ADD2: variants seen among roughly 807,000 people sequenced by gnomAD.
The protein encoded by ADD2 is beta-adducin.
In ADD2, 23 loss-of-function variants were observed where a neutral mutation model predicts 83.0. The observed-to-expected ratio is 0.28, with a 90% CI of 0.20 to 0.39. ADD2 has a LOEUF of 0.39. Ranked by LOEUF, ADD2 falls within the 10% of genes least tolerant of loss-of-function variation. The pLI, the probability that ADD2 is intolerant of heterozygous loss-of-function variation, is 1.00. For missense variants in ADD2, 758 were observed against 944.9 expected, an observed-to-expected ratio of 0.80 and a Z score of 2.59; for synonymous variants, 375 against 375.4, an observed-to-expected ratio of 1.00 and a Z score of 0.01.
At chr2:70,751,250 C>T (rs191746324) in intron 1 of ADD2, among the ~76,000 whole-genome samples, 16 of 152,248 alleles carry the variant, frequency 1.1e-4, no homozygotes, top group African/African-American at 2.4e-4. Context: ...TAACAGTTGA[C>T]GCTTGTTACT....
intron 1 of ADD2, chr2:70,767,528 G>C (rs1675462010): frequency 1.4e-5 from 8 of 569,468 alleles, no homozygotes; most frequent in Non-Finnish European, 1.9e-5. Flanking sequence ...AGGGAGGGGA[G>C]GGGAGGAGCG....
chr2:70,708,689 T>G (rs1164667799), intron 2 of ADD2, among the ~76,000 whole-genome samples: 1 of 152,204 alleles, frequency 6.6e-6, no homozygotes, highest in African/African-American at 2.4e-5. Flanking sequence ...TACATTAAGT[T>G]TGGCCTAAAG....
chr2:70,705,221 T>A (rs900742419), intron 3 of ADD2, among the ~76,000 whole-genome samples: 1 of 152,134 alleles, frequency 6.6e-6, no homozygotes, highest in African/African-American at 2.4e-5. Flanking sequence ...TTCACCCCAA[T>A]GCTTTCAGCA....
Position 70,768,174 on chromosome 2 carries a change from T to G in ADD2, c.-442A>C, listed in dbSNP as rs543187866. ...CCCTGCCGTCAGAATTAAAGCCATT[T>G]CCCGCACGAGGCTGGGAGGAAATGA... On this transcript the variant is annotated 5_prime_UTR_variant, in exon 1 of 16. Coordinates refer to ENST00000264436, the MANE Select transcript of ADD2 (RefSeq NM_001617.4). The G allele has an allele frequency of 1.1e-3, 625 of 589,952 alleles. 2 individuals carry two copies. The highest frequency in any genetic ancestry group is 2.3e-3 in the Middle Eastern group (5 of 2,198). The allele number at this position is 589,952 out of a possible 1,614,324, so 36.5% of individuals were successfully genotyped here.
At chr2:70,665,027 G>A (rs917013958) in intron 15 of ADD2, among the ~76,000 whole-genome samples, 4 of 152,124 alleles carry the variant, frequency 2.6e-5, no homozygotes, top group Non-Finnish European at 4.4e-5. Flanking sequence ...TGTGTGATGG[G>A]CACATATGAA....
Position 70,704,263 on chromosome 2 carries a change from T to TGGCCCCCCCCCCCCCCCCCCC in ADD2, c.322+57_322+58insGGGGGGGGGGGGGGGGGGGCC. 130 of 913,176 alleles carry TGGCCCCCCCCCCCCCCCCCCC rather than the reference T, an allele frequency of 1.4e-4. 1 individual carries two copies. Among genetic ancestry groups the TGGCCCCCCCCCCCCCCCCCCC allele is most frequent in the East Asian group, 2.1e-4 (7 of 34,118 alleles). The allele number at this position is 913,176 out of a possible 1,614,324, so 56.6% of individuals were successfully genotyped here. A position where few individuals can be genotyped will look rare whatever the true frequency, so the allele number is the denominator to read the frequency against. ...TGCTTCTTGCTGCTCCTCCCTCTCT[T>TGGCCCCCCCCCCCCCCCCCCC]CCCCACCCCACCCTCCCCTCCACCT... On this transcript the variant is annotated intron_variant, in intron 4 of 15. Coordinates refer to ENST00000264436, the MANE Select transcript of ADD2 (RefSeq NM_001617.4).
chr2:70,664,728 TGA>T (rs1233674277), intron 15 of ADD2, among the ~76,000 whole-genome samples: 4 of 149,846 alleles, frequency 2.7e-5, no homozygotes, highest in East Asian at 3.9e-4. Flanking sequence ...CAAGTGTGTG[TGA>T]GTGTGCAAGT....
At chr2:70,673,155 C>G in intron 14 of ADD2, 149 bp from the exon 15 acceptor site, 2 of 1,562,262 alleles carry the variant, frequency 1.3e-6, no homozygotes, top group Non-Finnish European at 1.8e-6. Flanking sequence ...AGCTCCTCCC[C>G]CTGACCTTCT....
At chr2:70,733,469 C>T (rs1312778381) in intron 1 of ADD2, among the ~76,000 whole-genome samples, 2 of 152,154 alleles carry the variant, frequency 1.3e-5, no homozygotes, top group Non-Finnish European at 2.9e-5. Flanking sequence ...CTGAAGATGC[C>T]ATCAGACAAG....
At position 70,726,720 on chromosome 2, in the gene ADD2, C is replaced by A. The variant is rs1267518141; in HGVS notation, c.-153-13536G>T. 2.6e-5 allele frequency among the ~76,000 whole-genome samples: 4 copies of A among 152,170 alleles called. No homozygotes were observed. In the East Asian group the frequency reaches 7.7e-4, roughly 29 times the overall value. On this transcript the variant is annotated intron_variant, in intron 1 of 15. Coordinates refer to ENST00000264436, the MANE Select transcript of ADD2 (RefSeq NM_001617.4). The stretch of plus-strand genomic sequence containing the variant: ...ACAAGAGTTCACCTCTAATGTAGCC[C>A]GTGCTCTTCTGAGAAGCTCATTTTG...
intron 11 of ADD2, 95 bp downstream of exon 11, chr2:70,678,609 A>C: frequency 6.8e-7 from 1 of 1,472,106 alleles, no homozygotes; most frequent in Non-Finnish European, 9.0e-7. Context: ...AACCTGGGGC[A>C]GGAGAGGTTT....
At chr2:70,759,903 T>A (rs1404492944) in intron 1 of ADD2, among the ~76,000 whole-genome samples, 1 of 152,068 alleles carries the variant, frequency 6.6e-6, no homozygotes, top group Non-Finnish European at 1.5e-5. Context: ...ATATCCCTCA[T>A]CCCCACCCCA....
intron 1 of ADD2, among the ~76,000 whole-genome samples, chr2:70,754,053 G>A (rs544726581): frequency 1.3e-5 from 2 of 152,290 alleles, no homozygotes; most frequent in South Asian, 4.2e-4. Flanking sequence ...ATTTATGGCT[G>A]AGGGGTGAGG....
chr2:70,727,105 C>T (rs1389535865), intron 1 of ADD2, among the ~76,000 whole-genome samples: 1 of 152,204 alleles, frequency 6.6e-6, no homozygotes, highest in African/African-American at 2.4e-5. Flanking sequence ...CTTCACGCTC[C>T]GTGGGAAGAA....
intron 1 of ADD2, among the ~76,000 whole-genome samples, chr2:70,732,217 T>C (rs530687601): frequency 6.6e-6 from 1 of 152,188 alleles, no homozygotes; most frequent in Non-Finnish European, 1.5e-5. Flanking sequence ...TATGAAGCCT[T>C]TAGGTCTTCA....
chr2:70,707,772 C>T (rs1270681441), intron 2 of ADD2, among the ~76,000 whole-genome samples: 8 of 152,226 alleles, frequency 5.3e-5, no homozygotes, highest in African/African-American at 1.9e-4. Flanking sequence ...TACAAGGGAC[C>T]AGGACACCTG....
chr2:70,707,253 G>T (rs1553374698), intron 2 of ADD2, among the ~76,000 whole-genome samples: 1 of 152,182 alleles, frequency 6.6e-6, no homozygotes, highest in African/African-American at 2.4e-5. Context: ...CTTTATTAAT[G>T]GAAAATTATT....
intron 1 of ADD2, among the ~76,000 whole-genome samples, chr2:70,724,623 A>T (rs1672892048): frequency 6.6e-6 from 1 of 152,166 alleles, no homozygotes; most frequent in Non-Finnish European, 1.5e-5. Context: ...CCCCCCTGCC[A>T]GGCTCTCTGC....
chr2:70,754,025 T>C (rs1553383406), intron 1 of ADD2, among the ~76,000 whole-genome samples: 1 of 152,108 alleles, frequency 6.6e-6, no homozygotes, highest in African/African-American at 2.4e-5. Context: ...GACAGAAGCC[T>C]TCTATCCCCT....
Sources: gnomAD v4.1 joint callset for allele counts (sites outside exome capture counted in the v4.1 genomes callset) on GRCh38, gnomAD v4.1.1 for gene constraint, MANE v1.5 for transcripts, NCBI Gene and HGNC (gene_info 2026-07-23, HGNC 2026-07-21) for gene names.